Variants in SHC2 observed in about 807,000 individuals in gnomAD.
SHC2 encodes the protein SHC adaptor protein 2, also known as SHC-transforming protein 2.
SHC2 carries 62 observed loss-of-function variants against 60.6 expected under a neutral mutation model. The ratio of observed to expected loss-of-function variants is 1.02; its 90% CI spans 0.83 to 1.26. The LOEUF is 1.26. SHC2 is among the 50% of genes most tolerant of loss of function. The pLI is 0.00. For synonymous variants in SHC2, 375 were observed against 372.4 expected (o/e 1.01, Z -0.08); for missense variants, 873 against 822.2 (o/e 1.06, Z -0.76).
At chr19:419,282 G>A in intron 11 of SHC2, 1 of 505,908 alleles carries the variant, frequency 2.0e-6, no homozygotes, top group African/African-American at 1.9e-5. Flanking sequence ...CACGCTTCCT[G>A]TCGGGAGCTG....
chr19:421,267 GTGGGAACC>G (rs1974262329), intron 11 of SHC2, among the ~76,000 whole-genome samples: 1 of 151,992 alleles, frequency 6.6e-6, no homozygotes, highest in Admixed American at 6.6e-5. Context: ...GGGCGTGGTG[GTGGGAACC>G]TGTAATCCTA....
Position 446,873 on chromosome 19 carries a change from A to G in SHC2, c.469-5941T>C, listed in dbSNP as rs1975065923. On this transcript the variant is annotated intron_variant, in intron 1 of 12. Coordinates refer to ENST00000264554, the MANE Select transcript of SHC2 (RefSeq NM_012435.3). The surrounding 1 kb of genome is among the most constrained non-coding windows in gnomAD (Gnocchi z 5.4). ...GCACGCAGCAGGCCAGGGCAGATACAAGCCGAGGTCCCCATGTCTGCACTC... is the reference window on the plus strand; with the variant it reads ...GCACGCAGCAGGCCAGGGCAGATACGAGCCGAGGTCCCCATGTCTGCACTC... Among the ~76,000 whole-genome samples the G allele has an allele frequency of 6.6e-6, 1 of 152,112 alleles. No homozygotes were observed. Among genetic ancestry groups the G allele is most frequent in the African/African-American group, 2.4e-5 (1 of 41,416 alleles).
At chr19:429,973 G>A (rs1285296367) in intron 9 of SHC2, among the ~76,000 whole-genome samples, 3 of 141,518 alleles carry the variant, frequency 2.1e-5, no homozygotes, top group East Asian at 2.2e-4. Flanking sequence ...TGTGGATGAC[G>A]CAGTACCTAT....
chr19:440,088 A>AACACCATGCTCAGTGAGAG lies in SHC2; in HGVS notation c.539+773_539+774insCTCTCACTGAGCATGGTGT. Among the ~76,000 whole-genome samples, 1 of 148,788 alleles carries AACACCATGCTCAGTGAGAG rather than the reference A, an allele frequency of 6.7e-6. No homozygotes were observed. The highest frequency in any genetic ancestry group is 2.0e-4 in the East Asian group (1 of 4,932). ...GGCCACAGCGCGGACACACCTCGGG[A>AACACCATGCTCAGTGAGAG]ACGCCATGCTCAGTGAGAGACGCCA... On this transcript the variant is annotated intron_variant, in intron 2 of 12. Transcript: ENST00000264554. The surrounding 1 kb of genome is among the most constrained non-coding windows in gnomAD (Gnocchi z 7.0).
chr19:419,077 C>A, intron 11 of SHC2, 21 bp from the exon 12 acceptor site: 1 of 1,558,550 alleles, frequency 6.4e-7, no homozygotes, highest in Non-Finnish European at 8.7e-7. Context: ...GAGACCTCGG[C>A]ATCAGCTCCC....
intron 1 of SHC2, among the ~76,000 whole-genome samples, chr19:442,473 G>A (rs1197664832): frequency 4.0e-5 from 5 of 126,030 alleles, no homozygotes; most frequent in East Asian, 2.4e-4. Flanking sequence ...GTGGGTGGAT[G>A]GGTGGGTGGA....
At chr19:459,691 A>G (rs1217196947) in intron 1 of SHC2, among the ~76,000 whole-genome samples, 6 of 152,228 alleles carry the variant, frequency 3.9e-5, no homozygotes, top group African/African-American at 7.2e-5. Flanking sequence ...CAGAAAAGCA[A>G]AGACACAACC....
chr19:436,015 G>A, intron 7 of SHC2, 150 bp downstream of exon 7: 1 of 821,344 alleles, frequency 1.2e-6, no homozygotes, highest in Non-Finnish European at 1.9e-6. Flanking sequence ...GAGGAAACAG[G>A]ATCCTCTGGC....
At chr19:451,885 C>T (rs1049364699) in intron 1 of SHC2, among the ~76,000 whole-genome samples, 1 of 152,196 alleles carries the variant, frequency 6.6e-6, no homozygotes, top group African/African-American at 2.4e-5. Flanking sequence ...GAATGAGCCT[C>T]CGTGCCTGGC....
chr19:419,285 G>A (rs930808752), intron 11 of SHC2: 39 of 505,408 alleles, frequency 7.7e-5, no homozygotes, highest in African/African-American at 1.2e-4. Flanking sequence ...GCTTCCTGTC[G>A]GGAGCTGAAA....
chr19:420,133 C>G lies in SHC2; in HGVS notation c.1621-1077G>C, dbSNP rs189031593. Among the ~76,000 whole-genome samples the G allele has an allele frequency of 1.1e-4, 17 of 152,262 alleles. No homozygotes were observed. The East Asian group carries it at 3.1e-3, about 28-fold the overall frequency. On this transcript the variant is annotated intron_variant, in intron 11 of 12. Coordinates refer to ENST00000264554, the MANE Select transcript of SHC2 (RefSeq NM_012435.3). The stretch of plus-strand genomic sequence containing the variant: ...GTAGTGGCTGCCGGTCTGACCCCAG[C>G]GATCCATTTAACAGAGAAAATCTGG...
rs12460601 is a variant in SHC2 at position 425,559 on chromosome 19, T to C, written c.1175-328A>G. 0.028 allele frequency among the ~76,000 whole-genome samples: 4,307 copies of C among 152,218 alleles called. 243 individuals carry two copies. The highest frequency in any genetic ancestry group is 0.22 in the East Asian group (1,139 of 5,168). On this transcript the variant is annotated intron_variant, in intron 9 of 12. Transcript: ENST00000264554. This position sits in a 1 kb window ranked among gnomAD's most constrained non-coding sequence, Gnocchi z 4.1. Reference sequence around the variant, plus strand: ...CGCCCTGGCCCTCCCCGGCCCAGGGTCCAGAGCTTCCCAGTGCGTGTATGT... The same window carrying C: ...CGCCCTGGCCCTCCCCGGCCCAGGGCCCAGAGCTTCCCAGTGCGTGTATGT...
chr19:437,254 G>A (rs570004092), intron 4 of SHC2, among the ~76,000 whole-genome samples: 9 of 151,464 alleles, frequency 5.9e-5, no homozygotes, highest in South Asian at 2.1e-4. Flanking sequence ...CTGCGTGCTC[G>A]TTTGCGTGCT....
At chr19:431,386 T>A (rs1974589271) in intron 8 of SHC2, among the ~76,000 whole-genome samples, 1 of 124,466 alleles carries the variant, frequency 8.0e-6, no homozygotes. Context: ...GGCAGATAGA[T>A]GGCACTTCAT....
Position 441,098 on chromosome 19 carries a change from C to G in SHC2, c.469-166G>C, listed in dbSNP as rs1446484431. 2 of 984,154 alleles carry G rather than the reference C, an allele frequency of 2.0e-6. No homozygotes were observed. The highest frequency in any genetic ancestry group is 2.4e-6 in the Non-Finnish European group (2 of 829,210). The allele number at this position is 984,154 out of a possible 1,614,324, so 61.0% of individuals were successfully genotyped here. On this transcript the variant is annotated intron_variant, in intron 1 of 12. Transcript: ENST00000264554. This position sits in a 1 kb window ranked among gnomAD's most constrained non-coding sequence, Gnocchi z 4.9. ...TGCCTCCCCCACCTCAAGGCCCAGC[C>G]TTGACACTGTCCTGCGAGCCGCCCC...
intron 8 of SHC2, 139 bp from the exon 9 acceptor site, chr19:430,886 T>G (rs553010788): frequency 4.0e-6 from 3 of 745,036 alleles, no homozygotes; most frequent in Admixed American, 5.4e-5. Flanking sequence ...CTCCCATTGC[T>G]CTCTCACTCT....
intron 1 of SHC2, 139 bp downstream of exon 1, chr19:460,390 A>C: frequency 1.1e-3 from 310 of 284,600 alleles, no homozygotes; most frequent in East Asian, 1.3e-3. Flanking sequence ...CCGGCCGGGG[A>C]TGGGGGTCCG....
At chr19:420,735 C>G (rs1418912013) in intron 11 of SHC2, among the ~76,000 whole-genome samples, 1 of 152,120 alleles carries the variant, frequency 6.6e-6, no homozygotes. Context: ...AAAATTCAGG[C>G]GGGGAGAGTG....
At chr19:451,059 G>T (rs1975176218) in intron 1 of SHC2, among the ~76,000 whole-genome samples, 1 of 146,514 alleles carries the variant, frequency 6.8e-6, no homozygotes, top group African/African-American at 2.6e-5. Flanking sequence ...TTCAGCGTGT[G>T]GATGGCCACG....
Sources: allele counts gnomAD v4.1 joint callset (sites outside exome capture counted in the v4.1 genomes callset), GRCh38; gene constraint gnomAD v4.1.1; non-coding constraint Gnocchi (gnomAD v3.1); transcripts MANE v1.5; gene names NCBI Gene and HGNC (gene_info 2026-07-23, HGNC 2026-07-21).